The following CCDC154 variants were observed in gnomAD, a reference collection of about 807,000 sequenced individuals.
The protein encoded by CCDC154 is coiled-coil domain containing 154.
In CCDC154, 91 loss-of-function variants were observed where a neutral mutation model predicts 87.5. The ratio of observed to expected loss-of-function variants is 1.04; its 90% CI spans 0.88 to 1.24. The LOEUF is 1.24. Among genes scored for constraint, CCDC154 ranks in the 50% most tolerant of loss-of-function variants. The pLI is 0.00. For synonymous variants in CCDC154, 418 were observed against 400.4 expected (o/e 1.04, Z -0.52); for missense variants, 903 against 879.2 (o/e 1.03, Z -0.34).
chr16:1,438,252 G>A (rs2038520092), intron 9 of CCDC154, 76 bp from the exon 10 acceptor site: 1 of 1,430,870 alleles, frequency 7.0e-7, no homozygotes, highest in Non-Finnish European at 9.2e-7. Flanking sequence ...AGGGGAGCTT[G>A]GCTGCTGGCT....
Position 1,435,939 on chromosome 16 carries a change from C to T in CCDC154, c.1605+30G>A. 2.6e-6 allele frequency: 4 copies of T among 1,529,864 alleles called. No individual in the cohort carries two copies. The South Asian group carries it at 3.6e-5, about 14-fold the overall frequency. 94.8% of individuals were successfully genotyped at this position (1,529,864 alleles called of 1,614,324 possible). A position where few individuals can be genotyped will look rare whatever the true frequency, so the allele number is the denominator to read the frequency against. ...TGAACCTGATGGCTCCCCCTCTCTC[C>T]CAGCTGGGTGCGGGCAGCCCCAGGA... On this transcript the variant is annotated intron_variant, in intron 14 of 16. Transcript: ENST00000389176.
At chr16:1,436,230 TG>T (rs1344559024) in intron 13 of CCDC154, 144 bp from the exon 14 acceptor site, 21 of 832,676 alleles carry the variant, frequency 2.5e-5, no homozygotes, top group Non-Finnish European at 3.5e-5. Flanking sequence ...GTGGGGAAGG[TG>T]GGGGTCCCCA....
intron 11 of CCDC154, 139 bp downstream of exon 11, chr16:1,437,678 C>T (rs1441593951): frequency 1.8e-6 from 2 of 1,119,628 alleles, no homozygotes; most frequent in African/African-American, 1.6e-5. Context: ...CTCCCAGGCC[C>T]TGGGGACAGT....
chr16:1,443,728 T>G (rs2038580786), intron 2 of CCDC154, 33 bp from the exon 3 acceptor site: 1 of 1,299,604 alleles, frequency 7.7e-7, no homozygotes, highest in Non-Finnish European at 1.0e-6. Context: ...AGTCTGGCGG[T>G]GCCCGCCGTG....
intron 6 of CCDC154, among the ~76,000 whole-genome samples, chr16:1,441,923 T>G (rs1305725492): frequency 6.6e-6 from 1 of 151,198 alleles, no homozygotes; most frequent in African/African-American, 2.4e-5. Context: ...TTTGTTTTTT[T>G]GTTTTGTTTT....
At chr16:1,435,478 G>A (rs1237676554) in intron 14 of CCDC154, among the ~76,000 whole-genome samples, 1 of 152,222 alleles carries the variant, frequency 6.6e-6, no homozygotes, top group Non-Finnish European at 1.5e-5. Flanking sequence ...CAGAGGCTGA[G>A]ACAAGCTGGG....
chr16:1,439,288 G>C, intron 6 of CCDC154, 162 bp from the exon 7 acceptor site: 1 of 652,074 alleles, frequency 1.5e-6, no homozygotes, highest in South Asian at 1.9e-5. Context: ...GAAAGCCACG[G>C]CGGGCAGGAC....
intron 1 of CCDC154, 112 bp from the exon 2 acceptor site, chr16:1,444,124 C>T (rs1045324725): frequency 2.7e-5 from 28 of 1,025,624 alleles, no homozygotes; most frequent in African/African-American, 1.0e-4. Context: ...CAGAGCTCAA[C>T]GCGTCTCCTT....
Position 1,434,790 on chromosome 16 carries a change from C to T in CCDC154, c.1755G>A (p.Pro585=), listed in dbSNP as rs7192233. ...SVLRLWSEEG[P]RTPLGSWKAL... is the part of the protein sequence containing the mutation. Reference sequence around the variant, plus strand: ...CCTTCCAGCTGCCCAGCGGCGTCCGCGGGCCCTCCTCACTCCACAGCCGGA... The same window carrying T: ...CCTTCCAGCTGCCCAGCGGCGTCCGTGGGCCCTCCTCACTCCACAGCCGGA... Residue 585 remains proline (P), a synonymous_variant, in exon 16 of 17, where the codon CCG becomes CCA. Transcript: ENST00000389176. 105,513 of 1,540,752 alleles carry T rather than the reference C, an allele frequency of 0.068. 4,336 individuals are homozygous for T. The highest frequency in any genetic ancestry group is 0.18 in the African/African-American group (13,034 of 73,076).
At chr16:1,434,977 C>T in intron 15 of CCDC154, 112 bp downstream of exon 15, 1 of 1,412,414 alleles carries the variant, frequency 7.1e-7, no homozygotes, top group Non-Finnish European at 9.5e-7. Context: ...TGCCCATGGC[C>T]AGACACTTGG....
Position 1,443,534 on chromosome 16 carries a change from G to A in CCDC154, c.386C>T (p.Ala129Val). Residue 129 changes from alanine (A) to valine (V), a missense_variant, in exon 3 of 17, where the codon GCC becomes GTC. Transcript: ENST00000389176. ...RQLQQEARPA[A>V]QAPEKEAPEF... ...CGGCGCCTCCTTTTCGGGGGCCTGGGCTGCCGGCCGCGCCTCCTGCTGCAA... is the reference window on the plus strand; with the variant it reads ...CGGCGCCTCCTTTTCGGGGGCCTGGACTGCCGGCCGCGCCTCCTGCTGCAA... The A allele has an allele frequency of 1.4e-6, 2 of 1,476,040 alleles. No individual in the cohort carries two copies. 91.4% of individuals were successfully genotyped at this position (1,476,040 alleles called of 1,614,324 possible).
At chr16:1,434,582 C>T in intron 16 of CCDC154, 48 bp from the exon 17 acceptor site, 1 of 1,519,092 alleles carries the variant, frequency 6.6e-7, no homozygotes, top group South Asian at 1.2e-5. Flanking sequence ...CCCCACCCCC[C>T]ATGGCCCACC....
In CCDC154 at chr16:1,444,542, C is replaced by A. The variant is rs1376154645; in HGVS notation, c.-220G>T. On this transcript the variant is annotated 5_prime_UTR_variant, in exon 1 of 17. Coordinates refer to ENST00000389176, the MANE Select transcript of CCDC154 (RefSeq NM_001143980.3). ...GGCAGCGGGGCCGTTCCAGAACCTTCCTTCTCTCCCCAGAACCTCACGGCT... is the reference window on the plus strand; with the variant it reads ...GGCAGCGGGGCCGTTCCAGAACCTTACTTCTCTCCCCAGAACCTCACGGCT... 1.1e-5 allele frequency: 4 copies of A among 349,580 alleles called. No homozygotes were observed. The highest frequency in any genetic ancestry group is 2.2e-5 in the South Asian group (1 of 46,346). 21.7% of individuals were successfully genotyped at this position (349,580 alleles called of 1,614,324 possible). A position where few individuals can be genotyped will look rare whatever the true frequency, so the allele number is the denominator to read the frequency against.
rs1053203388 is a variant in CCDC154 at position 1,437,812 on chromosome 16, C to T, written c.1290+5G>A. The T allele has an allele frequency of 3.3e-6, 5 of 1,525,682 alleles. No homozygotes were observed. The highest frequency in any genetic ancestry group is 2.5e-5 in the East Asian group (1 of 40,590). The allele number at this position is 1,525,682 out of a possible 1,614,324, so 94.5% of individuals were successfully genotyped here. On this transcript the variant is annotated splice_donor_5th_base_variant and intron_variant, in intron 11 of 16. Transcript: ENST00000389176. ...CCGCCTGCCCCCGCCCGCTGCCTGGCGCACCTCGGACAGCCTGAGGCCCAG... is the reference window on the plus strand; with the variant it reads ...CCGCCTGCCCCCGCCCGCTGCCTGGTGCACCTCGGACAGCCTGAGGCCCAG...
At chr16:1,441,063 G>A (rs1485643757) in intron 6 of CCDC154, among the ~76,000 whole-genome samples, 2 of 152,178 alleles carry the variant, frequency 1.3e-5, no homozygotes, top group African/African-American at 2.4e-5. Flanking sequence ...AGGCTGCAGT[G>A]AGCTGTGATG....
chr16:1,438,964 C>G, intron 7 of CCDC154, 21 bp from the exon 8 acceptor site: 1 of 1,548,938 alleles, frequency 6.5e-7, no homozygotes, highest in Non-Finnish European at 8.7e-7. Context: ...ACCCCACTGT[C>G]AGCTGCAGGT....
chr16:1,441,193 A>T (rs940239346), intron 6 of CCDC154, among the ~76,000 whole-genome samples: 3 of 152,162 alleles, frequency 2.0e-5, no homozygotes, highest in Non-Finnish European at 4.4e-5. Context: ...GGACTCAGGG[A>T]AAGGCAGACG....
chr16:1,440,701 A>G (rs1178202826), intron 6 of CCDC154, among the ~76,000 whole-genome samples: 1 of 151,968 alleles, frequency 6.6e-6, no homozygotes, highest in African/African-American at 2.4e-5. Flanking sequence ...CTGTAATCCC[A>G]GCACTTTGGG....
intron 4 of CCDC154, 22 bp downstream of exon 4, chr16:1,443,239 C>T (rs369260672): frequency 1.9e-6 from 3 of 1,547,480 alleles, no homozygotes; most frequent in Non-Finnish European, 1.7e-6. Context: ...TGGGCCTGTG[C>T]CCCTAGGTGT....
Sources: allele counts gnomAD v4.1 joint callset (sites outside exome capture counted in the v4.1 genomes callset), GRCh38; gene constraint gnomAD v4.1.1; transcripts MANE v1.5; gene names NCBI Gene and HGNC (gene_info 2026-07-23, HGNC 2026-07-21).